Variants in PSMA3 observed in about 807,000 individuals in gnomAD.
PSMA3 encodes the protein proteasome 20S subunit alpha 3.
A neutral mutation model predicts 40.0 loss-of-function variants in PSMA3; 8 were observed. The observed-to-expected ratio is 0.20, with a 90% CI of 0.12 to 0.36. The LOEUF is 0.36. PSMA3 is among the 10% of genes least tolerant of loss of function. The probability of loss-of-function intolerance (pLI) is 1.00; values close to 1 mark genes in which losing one functional copy is unlikely to be tolerated. For synonymous variants in PSMA3, 110 were observed against 100.0 expected (o/e 1.10, Z -0.59); for missense variants, 219 against 310.6 (o/e 0.70, Z 2.22).
intron 5 of PSMA3, 62 bp downstream of exon 5, chr14:58,258,060 C>A: frequency 1.5e-6 from 2 of 1,313,406 alleles, no homozygotes; most frequent in Non-Finnish European, 2.2e-6. Context: ...ATTATGTTCC[C>A]CAGCATCTTA....
chr14:58,265,820 AC>A (rs1890424654), intron 7 of PSMA3: 1 of 152,208 alleles, frequency 6.6e-6, no homozygotes, highest in South Asian at 2.1e-4. Flanking sequence ...CCTTCCCATC[AC>A]GCTCAACTTA....
intron 7 of PSMA3, chr14:58,266,100 GTC>G (rs1350725061): frequency 6.6e-6 from 1 of 151,878 alleles, no homozygotes; most frequent in Non-Finnish European, 1.5e-5. Context: ...AGAACTTTTA[GTC>G]TTTTTCTTCC....
chr14:58,271,019 TTC>T (rs1890601819), intron 10 of PSMA3, 21 bp downstream of exon 10: 1 of 1,573,406 alleles, frequency 6.4e-7, no homozygotes, highest in African/African-American at 1.4e-5. Flanking sequence ...GCACAAAAAC[TTC>T]TCTTGGCCAG....
chr14:58,253,973 T>C (rs1383470804), intron 3 of PSMA3, among the ~76,000 whole-genome samples: 3 of 152,058 alleles, frequency 2.0e-5, no homozygotes. Context: ...TTTTTGTTGT[T>C]GTTGTTGTAC....
Position 58,261,161 on chromosome 14 carries a change from A to C in PSMA3, c.477+141A>C, listed in dbSNP as rs7157026. On this transcript the variant is annotated intron_variant, in intron 6 of 10. Transcript: ENST00000216455. ...TTTTTCTTTTTTTTTTTTTTACAACAACCTCTTGTCCAACAGAATTTTTTT... is the reference window on the plus strand; with the variant it reads ...TTTTTCTTTTTTTTTTTTTTACAACCACCTCTTGTCCAACAGAATTTTTTT... 2,566 of 622,416 alleles carry C rather than the reference A, an allele frequency of 4.1e-3. 56 individuals carry two copies. The African/African-American group carries it at 0.044, about 11-fold the overall frequency. The allele number at this position is 622,416 out of a possible 1,614,324, so 38.6% of individuals were successfully genotyped here. A position where few individuals can be genotyped will look rare whatever the true frequency, so the allele number is the denominator to read the frequency against.
At chr14:58,261,108 TAAAAA>T in intron 6 of PSMA3, 88 bp downstream of exon 6, 3 of 898,426 alleles carry the variant, frequency 3.3e-6, no homozygotes, top group Non-Finnish European at 5.0e-6. Context: ...TATATGAAAT[TAAAAA>T]AAAACTCATT....
chr14:58,249,599 ACCT>A (rs887202010), intron 2 of PSMA3, among the ~76,000 whole-genome samples: 21 of 151,756 alleles, frequency 1.4e-4, no homozygotes, highest in African/African-American at 5.1e-4. Context: ...TGCAGACTCG[ACCT>A]CCTGGTCTCG....
chr14:58,257,166 G>A (rs1480488949), intron 3 of PSMA3, among the ~76,000 whole-genome samples: 1 of 151,236 alleles, frequency 6.6e-6, no homozygotes, highest in Non-Finnish European at 1.5e-5. Flanking sequence ...ATGAGGTAGT[G>A]GTAGTAAATC....
intron 7 of PSMA3, chr14:58,265,214 G>C (rs1265826389): frequency 6.6e-6 from 1 of 152,242 alleles, no homozygotes. Context: ...AGTGAGCTAT[G>C]ATCACGCCAC....
At chr14:58,254,332 G>GTATATA (rs763205005) in intron 3 of PSMA3, among the ~76,000 whole-genome samples, 35 of 2,168 alleles carry the variant, frequency 0.016, 5 homozygotes, top group Admixed American at 0.15. Flanking sequence ...AATTATGCAT[G>GTATATA]CATATATATA....
At chr14:58,267,572 CAT>C in intron 8 of PSMA3, 52 bp downstream of exon 8, 4 of 1,523,032 alleles carry the variant, frequency 2.6e-6, no homozygotes, top group Admixed American at 2.3e-5. Context: ...TTGACCTTTG[CAT>C]ATATATATTA....
chr14:58,269,222 G>A lies in PSMA3; in HGVS notation c.591-1196G>A, dbSNP rs555020106. On this transcript the variant is annotated intron_variant, in intron 8 of 10. Coordinates refer to ENST00000216455, the MANE Select transcript of PSMA3 (RefSeq NM_002788.4). ...GCTGGGATTACAGATGTGAACCACCGCACCTGGCCTCTTGATACTTTTTAT... is the reference window on the plus strand; with the variant it reads ...GCTGGGATTACAGATGTGAACCACCACACCTGGCCTCTTGATACTTTTTAT... Among the ~76,000 whole-genome samples the A allele has an allele frequency of 2.6e-5, 4 of 152,036 alleles. No individual in the cohort carries two copies. In the South Asian group the frequency reaches 8.3e-4, roughly 32 times the overall value.
Position 58,267,487 on chromosome 14 carries a change from C to T in PSMA3, c.557C>T (p.Thr186Ile). 6.4e-7 allele frequency: 1 copy of T among 1,567,096 alleles called. No homozygotes were observed. Among genetic ancestry groups the T allele is most frequent in the Non-Finnish European group, 8.6e-7 (1 of 1,162,554 alleles). Residue 186 changes from threonine to isoleucine, a missense_variant, in exon 8 of 11, where the codon ACC (threonine) becomes ATC (isoleucine). Coordinates refer to ENST00000216455, the MANE Select transcript of PSMA3 (RefSeq NM_002788.4). Reference protein sequence around the residue: ...EIEKLQMKEMTCRDIVKEVAK... With the variant: ...EIEKLQMKEMICRDIVKEVAK... Reference sequence around the variant, plus strand: ...TATTTTCTATAGATGAAAGAAATGACCTGCCGTGATATCGTTAAAGAAGTT... The same window carrying T: ...TATTTTCTATAGATGAAAGAAATGATCTGCCGTGATATCGTTAAAGAAGTT...
chr14:58,252,826 A>AAC (rs1166928474), intron 3 of PSMA3, among the ~76,000 whole-genome samples: 1 of 151,574 alleles, frequency 6.6e-6, no homozygotes, highest in Non-Finnish European at 1.5e-5. Context: ...TGAAAGAAAA[A>AAC]AAAAAAAAAG....
rs1594835789 is a variant in PSMA3, at chr14:58,271,038, T to G, written c.723+40T>G. ...AAAAACTTCTCTTGGCCAGGTACAG[T>G]CAGGGAATCACTTAGCCCAGGAGTT... On this transcript the variant is annotated intron_variant, in intron 10 of 10. Coordinates refer to ENST00000216455, the MANE Select transcript of PSMA3 (RefSeq NM_002788.4). 5.4e-6 allele frequency: 8 copies of G among 1,485,686 alleles called. No individual in the cohort carries two copies. The East Asian group carries it at 1.6e-4, about 30-fold the overall frequency. The allele number at this position is 1,485,686 out of a possible 1,614,324, so 92.0% of individuals were successfully genotyped here. A position where few individuals can be genotyped will look rare whatever the true frequency, so the allele number is the denominator to read the frequency against.
chr14:58,246,652 C>T (rs1375079889), intron 1 of PSMA3, among the ~76,000 whole-genome samples: 1 of 152,216 alleles, frequency 6.6e-6, no homozygotes, highest in Non-Finnish European at 1.5e-5. Flanking sequence ...CCGCCTCACC[C>T]TCCCAAAGTG....
Position 58,267,513 on chromosome 14 carries a change from G to A in PSMA3, c.583G>A (p.Ala195Thr). Residue 195 changes from alanine to threonine, a missense_variant, in exon 8 of 11, where the codon GCA becomes ACA. Ala to Thr is a moderately conservative substitution (Grantham distance 58). Transcript: ENST00000216455. ...MTCRDIVKEV[A>T]KIIYIVHDEV... ...CTGCCGTGATATCGTTAAAGAAGTTGCAAAAATGTAAGTTGAAATTTTTCT... is the reference window on the plus strand; with the variant it reads ...CTGCCGTGATATCGTTAAAGAAGTTACAAAAATGTAAGTTGAAATTTTTCT... 1 of 1,574,398 alleles carries A rather than the reference G, an allele frequency of 6.4e-7. No homozygotes were observed. Among genetic ancestry groups the A allele is most frequent in the Non-Finnish European group, 8.6e-7 (1 of 1,163,974 alleles).
chr14:58,263,436 C>T, intron 6 of PSMA3: 1 of 240,292 alleles, frequency 4.2e-6, no homozygotes, highest in Admixed American at 5.5e-5. Flanking sequence ...GTTCCTGTTC[C>T]CCAAAATGTC....
At chr14:58,267,609 C>T in intron 8 of PSMA3, 89 bp downstream of exon 8, 1 of 1,325,150 alleles carries the variant, frequency 7.5e-7, no homozygotes. Context: ...AGCTGTTTTC[C>T]TGTAAAATAA....
Sources: gnomAD v4.1 joint callset for allele counts (sites outside exome capture counted in the v4.1 genomes callset) on GRCh38, gnomAD v4.1.1 for gene constraint, MANE v1.5 for transcripts, NCBI Gene and HGNC (gene_info 2026-07-23, HGNC 2026-07-21) for gene names.